TRPM3: variants seen among roughly 807,000 people sequenced by gnomAD.
TRPM3 encodes transient receptor potential cation channel subfamily M member 3.
A neutral mutation model predicts 181.2 loss-of-function variants in TRPM3; 77 were observed. The ratio of observed to expected loss-of-function variants is 0.42; its 90% CI spans 0.35 to 0.51. TRPM3 has a LOEUF of 0.51. Ranked by LOEUF, TRPM3 falls within the 20% of genes least tolerant of loss-of-function variation. The pLI, the probability that TRPM3 is intolerant of heterozygous loss-of-function variation, is 0.01. For synonymous variants in TRPM3, 745 were observed against 796.4 expected (o/e 0.94, Z 1.09); for missense variants, 1,759 against 2,196.7 (o/e 0.80, Z 3.98).
intron 1 of TRPM3, among the ~76,000 whole-genome samples, chr9:71,050,644 C>T (rs1006803099): frequency 1.3e-5 from 2 of 152,164 alleles, no homozygotes; most frequent in East Asian, 1.9e-4. Context: ...TGTTACTTTC[C>T]TTAAACACAC....
chr9:71,172,200 C>T (rs1245910690), intron 1 of TRPM3, among the ~76,000 whole-genome samples: 2 of 151,514 alleles, frequency 1.3e-5, no homozygotes, highest in South Asian at 2.1e-4. Flanking sequence ...CTGTGCCCAG[C>T]GCATAGAAGG....
intron 1 of TRPM3, among the ~76,000 whole-genome samples, chr9:71,344,296 C>T (rs1227240911): frequency 2.0e-5 from 3 of 151,946 alleles, no homozygotes; most frequent in Non-Finnish European, 4.4e-5. Context: ...CCAAAAAATA[C>T]AAAAATTAGC....
intron 1 of TRPM3, among the ~76,000 whole-genome samples, chr9:71,056,853 G>A (rs114366695): frequency 0.02 from 3,011 of 152,008 alleles, 102 homozygotes; most frequent in African/African-American, 0.069. Context: ...CTTTGTTATG[G>A]CAGCCCTAGC....
intron 1 of TRPM3, among the ~76,000 whole-genome samples, chr9:70,894,272 G>T (rs1194493093): frequency 6.6e-6 from 1 of 152,172 alleles, no homozygotes; most frequent in Non-Finnish European, 1.5e-5. Flanking sequence ...AATATCTTCA[G>T]TGGGGTTGCC....
chr9:70,871,797 C>T (rs1284416970), intron 1 of TRPM3, among the ~76,000 whole-genome samples: 1 of 151,956 alleles, frequency 6.6e-6, no homozygotes, highest in East Asian at 1.9e-4. Flanking sequence ...GAGAAAACCA[C>T]AAGGGTAATG....
chr9:70,549,355 G>T (rs1329523153), intron 25 of TRPM3, among the ~76,000 whole-genome samples, 187 bp downstream of exon 25: 1 of 152,224 alleles, frequency 6.6e-6, no homozygotes, highest in South Asian at 2.1e-4. Context: ...TCTAGGATCT[G>T]TAAGTCTGGG....
intron 1 of TRPM3, among the ~76,000 whole-genome samples, chr9:71,054,353 T>G (rs2060420614): frequency 6.6e-6 from 1 of 152,010 alleles, no homozygotes; most frequent in Non-Finnish European, 1.5e-5. Flanking sequence ...ATTCCCCCCT[T>G]TAGAAGGCCA....
At chr9:70,754,195 T>G (rs897947980) in intron 8 of TRPM3, among the ~76,000 whole-genome samples, 2 of 152,126 alleles carry the variant, frequency 1.3e-5, no homozygotes, top group Admixed American at 6.6e-5. Context: ...GGCTCTTGGT[T>G]TCTATGCACA....
chr9:70,552,945 G>C lies in TRPM3; in HGVS notation c.3473C>G (p.Pro1158Arg), dbSNP rs1352519409. 1 of 1,614,064 alleles carries C rather than the reference G, an allele frequency of 6.2e-7. No homozygotes were observed. Among genetic ancestry groups the C allele is most frequent in the Non-Finnish European group, 8.5e-7 (1 of 1,180,036 alleles). ...CATGTGGCTGAAGATGATCAGTGGT[G>C]GGGGCAGAACTGGCCTTTCATGGAA... ...MTFHERPVLP[P>R]PLIIFSHMTM... The change falls in exon 24 of 26, where the codon CCA becomes CGA. Residue 1158 changes from proline (P) to arginine (R), a missense_variant. Coordinates refer to ENST00000677713, the MANE Select transcript of TRPM3 (RefSeq NM_001366145.2).
intron 3 of TRPM3, among the ~76,000 whole-genome samples, chr9:70,848,221 A>G (rs911399110): frequency 2.0e-5 from 3 of 152,198 alleles, no homozygotes; most frequent in African/African-American, 4.8e-5. Context: ...TCTAGTAATT[A>G]AAATGTAATA....
At chr9:71,446,857 C>A, upstream of TRPM3, 1 of 1,528,328 alleles carries the variant, frequency 6.5e-7, no homozygotes, top group Middle Eastern at 1.8e-4. Flanking sequence ...CTCCCTCGGC[C>A]GGGAAACAGC....
At chr9:70,746,092 A>G (rs2075113454) in intron 8 of TRPM3, among the ~76,000 whole-genome samples, 1 of 152,192 alleles carries the variant, frequency 6.6e-6, no homozygotes, top group South Asian at 2.1e-4. Flanking sequence ...GGTGTTGGGT[A>G]CTGACAATTC....
At chr9:71,100,144 C>A (rs953277283) in intron 1 of TRPM3, among the ~76,000 whole-genome samples, 3 of 152,010 alleles carry the variant, frequency 2.0e-5, no homozygotes, top group Non-Finnish European at 4.4e-5. Flanking sequence ...ATTTTTGATT[C>A]TGATTTTTAG....
chr9:70,576,480 T>TCTCCTC (rs760840409), intron 22 of TRPM3, among the ~76,000 whole-genome samples: 4 of 139,868 alleles, frequency 2.9e-5, no homozygotes, highest in Admixed American at 7.0e-5. Flanking sequence ...TTCTTCTTCT[T>TCTCCTC]CTCCTCCTCC....
intron 25 of TRPM3, among the ~76,000 whole-genome samples, chr9:70,539,303 C>T (rs1205314204): frequency 6.6e-6 from 1 of 151,938 alleles, no homozygotes; most frequent in Non-Finnish European, 1.5e-5. Flanking sequence ...GACCTATAGA[C>T]TTCTTAAAAA....
intron 1 of TRPM3, among the ~76,000 whole-genome samples, chr9:71,187,081 G>T (rs1324147217): frequency 2.6e-5 from 4 of 151,952 alleles, no homozygotes; most frequent in Admixed American, 6.6e-5. Flanking sequence ...TACCAACAAT[G>T]AACTCACGAA....
At chr9:70,882,736 T>C (rs1225304735) in intron 1 of TRPM3, among the ~76,000 whole-genome samples, 1 of 152,168 alleles carries the variant, frequency 6.6e-6, no homozygotes, top group Non-Finnish European at 1.5e-5. Context: ...AGTAGCCCAC[T>C]CCTGGTGTCT....
At chr9:71,096,590 A>ACACACACACACACTCTCT (rs1452142664) in intron 1 of TRPM3, among the ~76,000 whole-genome samples, 1 of 90,044 alleles carries the variant, frequency 1.1e-5, no homozygotes, top group African/African-American at 5.1e-5. Context: ...ACACACACAC[A>ACACACACACACACTCTCT]CTCTCTCTCT....
intron 1 of TRPM3, among the ~76,000 whole-genome samples, chr9:71,412,850 A>G (rs1326798379): frequency 2.0e-5 from 3 of 152,202 alleles, no homozygotes; most frequent in Non-Finnish European, 4.4e-5. Flanking sequence ...AACCAACCCA[A>G]ATGTCCATCA....
Sources: gnomAD v4.1 joint callset for allele counts (sites outside exome capture counted in the v4.1 genomes callset) on GRCh38, gnomAD v4.1.1 for gene constraint, MANE v1.5 for transcripts, NCBI Gene and HGNC (gene_info 2026-07-23, HGNC 2026-07-21) for gene names.